SBF2: variants seen among roughly 807,000 people sequenced by gnomAD.
SBF2 encodes myotubularin-related protein 13.
A neutral mutation model predicts 225.2 loss-of-function variants in SBF2; 112 were observed. The observed-to-expected ratio is 0.50, with a 90% CI of 0.43 to 0.58. SBF2 has a LOEUF of 0.58. SBF2 is among the 20% of genes least tolerant of loss of function. The pLI is 0.00. For synonymous variants in SBF2, 763 were observed against 773.3 expected (o/e 0.99, Z 0.22); for missense variants, 1,996 against 2,206.2 (o/e 0.90, Z 1.91).
At chr11:9,856,886 C>T (rs918531154) in intron 18 of SBF2, among the ~76,000 whole-genome samples, 166 bp from the exon 19 acceptor site, 2 of 149,650 alleles carry the variant, frequency 1.3e-5, no homozygotes, top group Non-Finnish European at 2.9e-5. Context: ...CTCCCAGGTT[C>T]ACGCCATTCT....
At position 9,984,789 on chromosome 11, in the gene SBF2, C is replaced by T. The variant is rs61877013; in HGVS notation, c.1395+4708G>A. Among the ~76,000 whole-genome samples the T allele has an allele frequency of 7.3e-3, 1,114 of 152,240 alleles. 8 individuals carry two copies. Among genetic ancestry groups the T allele is most frequent in the Non-Finnish European group, 9.7e-3 (657 of 68,010 alleles). ...GAGCCCTATCTTCAGCCTCCTCAAA[C>T]GAAACAATTATCAGCCAAGAATTTT... On this transcript the variant is annotated intron_variant, in intron 13 of 39. Coordinates refer to ENST00000256190, the MANE Select transcript of SBF2 (RefSeq NM_030962.4).
At position 10,294,060 on chromosome 11, in the gene SBF2, G is replaced by A; in HGVS notation, c.10C>T (p.Leu4=). MAR[L]ADYFIVVGYD... is the part of the protein sequence containing the mutation. ...CCTACCACGATGAAGTAGTCAGCCA[G>A]CCGGGCCATGGCCGCCGCCGCCGCG... Residue 4 remains leucine, a synonymous_variant, in exon 1 of 40, where the codon CTG becomes TTG. Coordinates refer to ENST00000256190, the MANE Select transcript of SBF2 (RefSeq NM_030962.4). 1 of 1,395,564 alleles carries A rather than the reference G, an allele frequency of 7.2e-7. No homozygotes were observed. The highest frequency in any genetic ancestry group is 9.4e-7 in the Non-Finnish European group (1 of 1,069,176). 86.4% of individuals were successfully genotyped at this position (1,395,564 alleles called of 1,614,324 possible). A position where few individuals can be genotyped will look rare whatever the true frequency, so the allele number is the denominator to read the frequency against.
chr11:10,195,841 T>C (rs1006338094), intron 1 of SBF2, among the ~76,000 whole-genome samples: 1 of 152,210 alleles, frequency 6.6e-6, no homozygotes, highest in East Asian at 1.9e-4. Flanking sequence ...TCTCTTGTTA[T>C]AGGGGAATGA....
At chr11:9,808,799 T>C in intron 31 of SBF2, 102 bp downstream of exon 31, 5 of 885,506 alleles carry the variant, frequency 5.6e-6, no homozygotes, top group Non-Finnish European at 7.2e-6. Flanking sequence ...TCTCTGTCCA[T>C]AAACACATTA....
chr11:10,169,558 TTTTC>T (rs760644650), intron 2 of SBF2, among the ~76,000 whole-genome samples: 2 of 152,222 alleles, frequency 1.3e-5, no homozygotes, highest in Non-Finnish European at 2.9e-5. Flanking sequence ...TATTGTCACA[TTTTC>T]TTTATCCGTT....
intron 17 of SBF2, among the ~76,000 whole-genome samples, chr11:9,884,145 G>A (rs1019460657): frequency 6.6e-6 from 1 of 152,178 alleles, no homozygotes; most frequent in Non-Finnish European, 1.5e-5. Context: ...CTAATGTGCA[G>A]CAGAGTTAAG....
intron 1 of SBF2, among the ~76,000 whole-genome samples, chr11:10,282,903 C>G (rs951652307): frequency 1.3e-5 from 2 of 152,176 alleles, no homozygotes; most frequent in Non-Finnish European, 2.9e-5. Context: ...TGTCAACCCA[C>G]TCAAGCATCA....
At chr11:10,237,957 T>C (rs1246717712) in intron 1 of SBF2, among the ~76,000 whole-genome samples, 1 of 152,220 alleles carries the variant, frequency 6.6e-6, no homozygotes, top group African/African-American at 2.4e-5. Flanking sequence ...ATTTGGGCTG[T>C]TTCTGGGTTT....
In SBF2 at chr11:10,272,251, G is replaced by A. The variant is rs531543508; in HGVS notation, c.55+21764C>T. On this transcript the variant is annotated intron_variant, in intron 1 of 39. Transcript: ENST00000256190. ...GCTGCAGGGCGCTCGCGCTAGCCCCGGAGGACATGGCGGCGGCGCTGGGCT... is the reference window on the plus strand; with the variant it reads ...GCTGCAGGGCGCTCGCGCTAGCCCCAGAGGACATGGCGGCGGCGCTGGGCT... 9.6e-6 allele frequency: 10 copies of A among 1,043,134 alleles called. 3 individuals are homozygous for A. In the African/African-American group the frequency reaches 1.3e-4, roughly 14 times the overall value. The allele number at this position is 1,043,134 out of a possible 1,614,324, so 64.6% of individuals were successfully genotyped here. A position where few individuals can be genotyped will look rare whatever the true frequency, so the allele number is the denominator to read the frequency against.
intron 7 of SBF2, among the ~76,000 whole-genome samples, chr11:10,002,020 T>C (rs1393500495): frequency 1.3e-5 from 2 of 152,132 alleles, no homozygotes; most frequent in African/African-American, 2.4e-5. Context: ...AATTTTAACA[T>C]ATCCCATAAA....
intron 1 of SBF2, among the ~76,000 whole-genome samples, chr11:10,197,742 T>C (rs1436202202): frequency 6.6e-6 from 1 of 152,252 alleles, no homozygotes; most frequent in African/African-American, 2.4e-5. Flanking sequence ...CAAACCCTGC[T>C]GCTGCTTTAT....
intron 28 of SBF2, among the ~76,000 whole-genome samples, chr11:9,817,469 A>G (rs1854512466): frequency 6.6e-6 from 1 of 152,216 alleles, no homozygotes. Context: ...TTAACATGAC[A>G]TTTAAAGATA....
At chr11:10,008,059 A>G (rs1481548580) in intron 6 of SBF2, among the ~76,000 whole-genome samples, 2 of 152,324 alleles carry the variant, frequency 1.3e-5, no homozygotes, top group East Asian at 1.9e-4. Flanking sequence ...AATCCAATGC[A>G]TATGACTGAC....
intron 34 of SBF2, 47 bp downstream of exon 34, chr11:9,790,509 T>C (rs1852672068): frequency 6.6e-7 from 1 of 1,517,172 alleles, no homozygotes; most frequent in African/African-American, 1.4e-5. Context: ...AGGAAAACCT[T>C]AACACAAAAT....
intron 2 of SBF2, among the ~76,000 whole-genome samples, chr11:10,108,486 A>C (rs1053179208): frequency 6.6e-6 from 1 of 151,164 alleles, no homozygotes; most frequent in African/African-American, 2.4e-5. Flanking sequence ...ACCTCAAAGA[A>C]GGCTGCAAAA....
At chr11:9,921,942 A>G (rs1863664759) in intron 16 of SBF2, among the ~76,000 whole-genome samples, 1 of 152,216 alleles carries the variant, frequency 6.6e-6, no homozygotes, top group Non-Finnish European at 1.5e-5. Flanking sequence ...TGATTCCAAT[A>G]GCAATCAGAA....
chr11:10,009,866 CCAA>C (rs146341470), intron 6 of SBF2, among the ~76,000 whole-genome samples: 30,602 of 152,078 alleles, frequency 0.2, 3,928 homozygotes, highest in Non-Finnish European at 0.3. Context: ...ATTTACACTC[CCAA>C]CAAGAGTGTA....
At chr11:9,809,830 A>G (rs1252076268) in intron 30 of SBF2, among the ~76,000 whole-genome samples, 1 of 152,066 alleles carries the variant, frequency 6.6e-6, no homozygotes, top group Non-Finnish European at 1.5e-5. Context: ...ACAGGCGTGA[A>G]CCACCACGCC....
intron 2 of SBF2, among the ~76,000 whole-genome samples, chr11:10,184,570 T>A (rs986795689): frequency 2.6e-5 from 4 of 152,160 alleles, no homozygotes; most frequent in Non-Finnish European, 5.9e-5. Context: ...ACTCTTTCCA[T>A]CTTGCAAAAT....
Sources: allele counts gnomAD v4.1 joint callset (sites outside exome capture counted in the v4.1 genomes callset), GRCh38; gene constraint gnomAD v4.1.1; transcripts MANE v1.5; gene names NCBI Gene and HGNC (gene_info 2026-07-23, HGNC 2026-07-21).